MS4A15: variants seen among roughly 807,000 people sequenced by gnomAD.
The protein encoded by MS4A15 is membrane spanning 4-domains A15.
A neutral mutation model predicts 20.6 loss-of-function variants in MS4A15; 22 were observed. That is an observed-to-expected ratio of 1.07 (90% CI 0.76 to 1.52). The LOEUF is 1.52. Ranked by LOEUF, MS4A15 falls within the 40% of genes most tolerant of loss-of-function variation. MS4A15 has a pLI of 0.00. For missense variants in MS4A15, 312 were observed against 323.0 expected (o/e 0.97, Z 0.26); for synonymous variants, 129 against 129.3 (o/e 1.00, Z 0.02).
At chr11:60,770,318 G>A (rs989048248) in intron 3 of MS4A15, among the ~76,000 whole-genome samples, 7 of 152,112 alleles carry the variant, frequency 4.6e-5, no homozygotes, top group East Asian at 3.9e-4. Context: ...TATAAGTTCC[G>A]GCCGGGCACG....
intron 1 of MS4A15, among the ~76,000 whole-genome samples, chr11:60,758,367 A>G (rs1004244212): frequency 5.9e-5 from 9 of 152,260 alleles, no homozygotes; most frequent in African/African-American, 2.2e-4. Context: ...CTGCAATTGA[A>G]AAACAGGTAT....
intron 4 of MS4A15, 199 bp downstream of exon 4, chr11:60,771,546 T>C (rs1854044189): frequency 6.5e-7 from 1 of 1,531,872 alleles, no homozygotes; most frequent in Admixed American, 2.0e-5. Flanking sequence ...AGGGATACTC[T>C]TTCAATACAC....
chr11:60,767,811 C>A (rs1590980896), intron 3 of MS4A15, among the ~76,000 whole-genome samples, 156 bp downstream of exon 3: 1 of 152,222 alleles, frequency 6.6e-6, no homozygotes, highest in African/African-American at 2.4e-5. Context: ...AATCTAACTC[C>A]TTGCCGGAAA....
chr11:60,769,845 A>T (rs1436675370), intron 3 of MS4A15, among the ~76,000 whole-genome samples: 1 of 151,872 alleles, frequency 6.6e-6, no homozygotes, highest in Admixed American at 6.6e-5. Flanking sequence ...TCCCACCCCC[A>T]TGGCCACCAT....
chr11:60,762,354 C>G (rs555371972), intron 1 of MS4A15, among the ~76,000 whole-genome samples: 2 of 152,306 alleles, frequency 1.3e-5, no homozygotes, highest in East Asian at 3.9e-4. Flanking sequence ...CTATGTCACA[C>G]CTCTGCCATA....
intron 5 of MS4A15, 30 bp downstream of exon 5, chr11:60,773,514 A>C (rs1854098371): frequency 6.3e-7 from 1 of 1,593,520 alleles, no homozygotes; most frequent in Non-Finnish European, 8.6e-7. Context: ...TCGGGGTGGG[A>C]AAACTTGGAA....
intron 1 of MS4A15, among the ~76,000 whole-genome samples, chr11:60,761,338 A>G (rs1271680361): frequency 6.6e-6 from 1 of 152,184 alleles, no homozygotes; most frequent in African/African-American, 2.4e-5. Flanking sequence ...TAAGCTTGCA[A>G]ACTTGACCTT....
Position 60,775,770 on chromosome 11 carries a change from C to A in MS4A15, c.*55C>A. 7.1e-7 allele frequency: 1 copy of A among 1,400,602 alleles called. No individual in the cohort carries two copies. The highest frequency in any genetic ancestry group is 9.9e-7 in the Non-Finnish European group (1 of 1,006,348). The allele number at this position is 1,400,602 out of a possible 1,614,324, so 86.8% of individuals were successfully genotyped here. Reference sequence around the variant, plus strand: ...CCAGCCTTTTCCCTCTGGGCCCAGCCTCTCCCCACCCCCACCTTGTTCATC... The same window carrying A: ...CCAGCCTTTTCCCTCTGGGCCCAGCATCTCCCCACCCCCACCTTGTTCATC... On this transcript the variant is annotated 3_prime_UTR_variant, in exon 7 of 7. Transcript: ENST00000405633.
At chr11:60,767,393 C>A in intron 2 of MS4A15, 140 bp from the exon 3 acceptor site, 1 of 1,068,224 alleles carries the variant, frequency 9.4e-7, no homozygotes, top group Non-Finnish European at 1.3e-6. Flanking sequence ...AATAATATCG[C>A]CTCTAAAGAA....
intron 3 of MS4A15, among the ~76,000 whole-genome samples, chr11:60,770,399 A>G (rs1590983400): frequency 6.6e-6 from 1 of 152,046 alleles, no homozygotes; most frequent in Non-Finnish European, 1.5e-5. Flanking sequence ...GGAGTTCAAG[A>G]CCAGCCTGAC....
At position 60,763,849 on chromosome 11, in the gene MS4A15, T is replaced by G. The variant is rs1853812962; in HGVS notation, c.116T>G (p.Ile39Ser). The change falls in exon 2 of 7, where the codon ATT becomes AGT. Residue 39 changes from isoleucine to serine, a missense_variant. Transcript: ENST00000405633. ...LPTSMCQPPG[I>S]MQFEEPPLGA... ...ACATCCATGTGCCAACCTCCAGGGA[T>G]TATGCAGTTTGAGGAGCCACCGCTG... The G allele has an allele frequency of 6.2e-7, 1 of 1,612,648 alleles. No individual in the cohort carries two copies. Among genetic ancestry groups the G allele is most frequent in the Non-Finnish European group, 8.5e-7 (1 of 1,179,878 alleles).
chr11:60,767,951 G>A (rs1343284287), intron 3 of MS4A15, among the ~76,000 whole-genome samples: 1 of 152,206 alleles, frequency 6.6e-6, no homozygotes, highest in Non-Finnish European at 1.5e-5. Context: ...CCAACACTTT[G>A]GGAGGCCGAG....
chr11:60,770,346 T>C (rs921240811), intron 3 of MS4A15, among the ~76,000 whole-genome samples: 1 of 152,138 alleles, frequency 6.6e-6, no homozygotes, highest in Admixed American at 6.5e-5. Context: ...ATGACTGTAA[T>C]CCCAGCACTT....
intron 2 of MS4A15, among the ~76,000 whole-genome samples, chr11:60,766,887 C>T (rs1431257177): frequency 6.6e-6 from 1 of 152,188 alleles, no homozygotes; most frequent in Non-Finnish European, 1.5e-5. Flanking sequence ...TGGATTCCAG[C>T]GGTCTTCAAC....
chr11:60,760,489 C>A (rs1853710924), intron 1 of MS4A15, among the ~76,000 whole-genome samples: 1 of 152,204 alleles, frequency 6.6e-6, no homozygotes, highest in Admixed American at 6.5e-5. Flanking sequence ...ACTGTGGACA[C>A]TTATATAGAC....
intron 4 of MS4A15, 30 bp from the exon 5 acceptor site, chr11:60,773,362 C>A: frequency 6.3e-7 from 1 of 1,581,556 alleles, no homozygotes. Flanking sequence ...TTGCCTATTC[C>A]CTCTGCTCCT....
At chr11:60,768,735 A>T (rs1348838291) in intron 3 of MS4A15, among the ~76,000 whole-genome samples, 1 of 152,232 alleles carries the variant, frequency 6.6e-6, no homozygotes, top group Admixed American at 6.5e-5. Context: ...TGGTGAGTGG[A>T]TTACTAACGC....
intron 4 of MS4A15, chr11:60,771,844 C>T (rs1854052767): frequency 7.3e-6 from 8 of 1,094,108 alleles, no homozygotes; most frequent in Non-Finnish European, 8.2e-6. Flanking sequence ...GTGCCTTCTG[C>T]AGGCACTGGG....
chr11:60,757,668 C>T (rs1304773193), intron 1 of MS4A15, among the ~76,000 whole-genome samples: 1 of 152,202 alleles, frequency 6.6e-6, no homozygotes, highest in Admixed American at 6.5e-5. Flanking sequence ...TTCGTTGGCC[C>T]CGTTCAGGCA....
Sources: gnomAD v4.1 joint callset for allele counts (sites outside exome capture counted in the v4.1 genomes callset) on GRCh38, gnomAD v4.1.1 for gene constraint, MANE v1.5 for transcripts, NCBI Gene and HGNC (gene_info 2026-07-23, HGNC 2026-07-21) for gene names.